FOXP1: variants seen among roughly 807,000 people sequenced by gnomAD.
FOXP1 encodes forkhead box P1.
Under a neutral mutation model 98.2 loss-of-function variants are expected in FOXP1, and 15 were observed. The ratio of observed to expected loss-of-function variants is 0.15; its 90% confidence interval spans 0.10 to 0.24. FOXP1 has a LOEUF of 0.24. Among genes scored for constraint, FOXP1 ranks in the 10% least tolerant of loss-of-function variants. The pLI is 1.00. For synonymous variants in FOXP1, 371 were observed against 314.5 expected (o/e 1.18, Z -1.90); for missense variants, 633 against 848.5 (o/e 0.75, Z 3.15).
At chr3:71,451,352 G>T (rs1273328348) in intron 3 of FOXP1, among the ~76,000 whole-genome samples, 2 of 152,210 alleles carry the variant, frequency 1.3e-5, no homozygotes. Context: ...AAAGCCCGAT[G>T]AAATGCAACT....
chr3:71,238,329 C>A (rs999899387), intron 5 of FOXP1, among the ~76,000 whole-genome samples: 1 of 152,160 alleles, frequency 6.6e-6, no homozygotes, highest in Non-Finnish European at 1.5e-5. Context: ...CCTTGCCAGG[C>A]CTCTGTGAAA....
intron 6 of FOXP1, among the ~76,000 whole-genome samples, chr3:71,120,295 A>G (rs571363013): frequency 6.6e-6 from 1 of 152,344 alleles, no homozygotes; most frequent in East Asian, 1.9e-4. Flanking sequence ...TGCAGTAGAC[A>G]GCCAAGTCTT....
At chr3:71,008,964 T>G (rs950102321) in intron 12 of FOXP1, among the ~76,000 whole-genome samples, 1 of 151,868 alleles carries the variant, frequency 6.6e-6, no homozygotes, top group Non-Finnish European at 1.5e-5. Context: ...ACAGATGGGA[T>G]TTTTATCCTG....
intron 4 of FOXP1, among the ~76,000 whole-genome samples, chr3:71,314,549 A>ATATC (rs1210765774): frequency 6.6e-6 from 1 of 150,776 alleles, no homozygotes; most frequent in Non-Finnish European, 1.5e-5. Context: ...ATATATATAT[A>ATATC]TATCTGGCTG....
At chr3:71,487,209 C>A (rs923372917) in intron 3 of FOXP1, among the ~76,000 whole-genome samples, 1 of 151,700 alleles carries the variant, frequency 6.6e-6, no homozygotes, top group Admixed American at 6.6e-5. Context: ...AACACAAAAA[C>A]CAGTTGAAGG....
chr3:71,549,095 G>A (rs1366674790), intron 2 of FOXP1, among the ~76,000 whole-genome samples: 3 of 152,022 alleles, frequency 2.0e-5, no homozygotes, highest in Non-Finnish European at 4.4e-5. Context: ...AGCTGCTAAG[G>A]GCCCACCAGT....
chr3:70,965,488 G>C (rs752083065), intron 20 of FOXP1, among the ~76,000 whole-genome samples: 8 of 152,118 alleles, frequency 5.3e-5, no homozygotes, highest in Non-Finnish European at 1.2e-4. Flanking sequence ...GTGAACCTTA[G>C]TGCACCACCA....
At chr3:71,425,565 C>T (rs1442401995) in intron 3 of FOXP1, among the ~76,000 whole-genome samples, 1 of 152,120 alleles carries the variant, frequency 6.6e-6, no homozygotes, top group Non-Finnish European at 1.5e-5. Context: ...CTCCTCAGCT[C>T]CTGGCAGAGT....
chr3:71,121,094 T>C (rs2058732101), intron 6 of FOXP1, among the ~76,000 whole-genome samples: 1 of 150,892 alleles, frequency 6.6e-6, no homozygotes, highest in Non-Finnish European at 1.5e-5. Context: ...ATTACGCAAA[T>C]GTTTTCCTGC....
intron 13 of FOXP1, among the ~76,000 whole-genome samples, chr3:70,997,857 ATGGATGAATGGATGTCTGGG>A (rs2041600965): frequency 6.6e-6 from 1 of 152,178 alleles, no homozygotes; most frequent in African/African-American, 2.4e-5. Flanking sequence ...AAATAAGTGG[ATGGATGAATGGATGTCTGGG>A]TGGATGAATG....
chr3:71,240,550 ATT>A (rs79848482), intron 5 of FOXP1, among the ~76,000 whole-genome samples: 114,369 of 151,090 alleles, frequency 0.76, 43,418 homozygotes, highest in African/African-American at 0.83. Context: ...GTGTTTTTTT[ATT>A]TTTTTTTTTA....
chr3:71,551,120 G>A (rs1017449399), intron 2 of FOXP1, among the ~76,000 whole-genome samples: 8 of 152,150 alleles, frequency 5.3e-5, no homozygotes, highest in Non-Finnish European at 8.8e-5. Flanking sequence ...TGCCTGGAAT[G>A]GATAGCTTTA....
chr3:71,415,516 C>T (rs959078502), intron 3 of FOXP1, among the ~76,000 whole-genome samples: 1 of 152,102 alleles, frequency 6.6e-6, no homozygotes, highest in South Asian at 2.1e-4. Flanking sequence ...ATGTAGAAAT[C>T]ATGGATTCCA....
At chr3:71,366,786 C>CTA (rs1405500783) in intron 3 of FOXP1, among the ~76,000 whole-genome samples, 2 of 152,194 alleles carry the variant, frequency 1.3e-5, no homozygotes, top group Admixed American at 1.3e-4. Context: ...CTTACGCACT[C>CTA]AATTAACATT....
chr3:71,494,089 G>A lies in FOXP1; in HGVS notation c.-297-534C>T, dbSNP rs935811245. Among the ~76,000 whole-genome samples, 3 of 151,970 alleles carry A rather than the reference G, an allele frequency of 2.0e-5. No individual in the cohort carries two copies. The East Asian group carries it at 5.8e-4, about 29-fold the overall frequency. Reference sequence around the variant, plus strand: ...TAAAAATGATTATGGATTACATAAGGAGCAATACTCATGGAGATGTTTCCA... The same window carrying A: ...TAAAAATGATTATGGATTACATAAGAAGCAATACTCATGGAGATGTTTCCA... On this transcript the variant is annotated intron_variant, in intron 2 of 20. Transcript: ENST00000649528.
intron 7 of FOXP1, among the ~76,000 whole-genome samples, chr3:71,093,623 C>G (rs1366147298): frequency 6.6e-6 from 1 of 151,218 alleles, no homozygotes; most frequent in Non-Finnish European, 1.5e-5. Context: ...ATGCAATTCT[C>G]TACTTCAGTA....
chr3:71,285,625 G>A (rs190297250), intron 5 of FOXP1, among the ~76,000 whole-genome samples: 4 of 152,256 alleles, frequency 2.6e-5, no homozygotes, highest in East Asian at 3.9e-4. Flanking sequence ...AATTAAATCC[G>A]AGAAAGGGTC....
chr3:71,088,220 G>GC (rs965755896), intron 7 of FOXP1, among the ~76,000 whole-genome samples: 7 of 152,228 alleles, frequency 4.6e-5, no homozygotes, highest in African/African-American at 1.7e-4. Flanking sequence ...CTAGATAGAC[G>GC]CAAGACTCAG....
chr3:71,345,116 G>A (rs2107800732), intron 4 of FOXP1, among the ~76,000 whole-genome samples: 3 of 151,604 alleles, frequency 2.0e-5, no homozygotes, highest in Middle Eastern at 6.8e-3. Flanking sequence ...AAGGCTGGGT[G>A]TGGTGGCTCA....
Sources: allele counts gnomAD v4.1 joint callset (sites outside exome capture counted in the v4.1 genomes callset), GRCh38; gene constraint gnomAD v4.1.1; transcripts MANE v1.5; gene names NCBI Gene and HGNC (gene_info 2026-07-23, HGNC 2026-07-21).